STX8: variants seen among roughly 807,000 people sequenced by gnomAD.
STX8 encodes the protein syntaxin-8.
A neutral mutation model predicts 37.5 loss-of-function variants in STX8; 23 were observed. The observed-to-expected ratio is 0.61, with a 90% CI of 0.44 to 0.87. The LOEUF (loss-of-function observed/expected upper bound fraction) is 0.87, where lower values mean the gene tolerates loss of function less well. Ranked by LOEUF, STX8 falls within the 40% of genes least tolerant of loss-of-function variation. STX8 has a pLI of 0.00. For missense variants in STX8, 313 were observed against 284.7 expected, an observed-to-expected ratio of 1.10 and a Z score of -0.71; for synonymous variants, 115 against 99.1, an observed-to-expected ratio of 1.16 and a Z score of -0.95.
intron 6 of STX8, among the ~76,000 whole-genome samples, chr17:9,399,715 A>C (rs1912533339): frequency 6.6e-6 from 1 of 151,716 alleles, no homozygotes; most frequent in East Asian, 1.9e-4. Context: ...AAAATACAAA[A>C]ATTAGCTGGG....
chr17:9,496,180 A>G (rs1441793672), intron 5 of STX8, among the ~76,000 whole-genome samples: 1 of 151,658 alleles, frequency 6.6e-6, no homozygotes, highest in Non-Finnish European at 1.5e-5. Flanking sequence ...AGTTCAAGCA[A>G]TTCTCCTGTC....
Position 9,341,030 on chromosome 17 carries a change from A to T in STX8, c.643+37522T>A, listed in dbSNP as rs891700757. 3.2e-4 allele frequency among the ~76,000 whole-genome samples: 47 copies of T among 147,934 alleles called. 3 individuals are homozygous for T. The South Asian group carries it at 9.9e-3, about 31-fold the overall frequency. ...TATATAAATATATATTATATATATAAATTATAAATTGTAAAATTTAAAATT... is the reference window on the plus strand; with the variant it reads ...TATATAAATATATATTATATATATATATTATAAATTGTAAAATTTAAAATT... On this transcript the variant is annotated intron_variant, in intron 7 of 7. Coordinates refer to ENST00000306357, the MANE Select transcript of STX8 (RefSeq NM_004853.3).
chr17:9,453,333 A>G (rs1905099414), intron 6 of STX8, among the ~76,000 whole-genome samples: 1 of 152,152 alleles, frequency 6.6e-6, no homozygotes, highest in Non-Finnish European at 1.5e-5. Context: ...TGTTTACCCC[A>G]TGGAGAAAAC....
intron 4 of STX8, among the ~76,000 whole-genome samples, chr17:9,527,827 T>C (rs965759529): frequency 2.6e-5 from 4 of 152,208 alleles, no homozygotes; most frequent in Non-Finnish European, 4.4e-5. Flanking sequence ...GTGGTACCTA[T>C]TACATCTTTA....
intron 7 of STX8, among the ~76,000 whole-genome samples, chr17:9,377,153 C>T (rs1050785508): frequency 6.6e-6 from 1 of 152,172 alleles, no homozygotes; most frequent in African/African-American, 2.4e-5. Context: ...GGTGATGCTT[C>T]TGAAGCTGCA....
intron 6 of STX8, among the ~76,000 whole-genome samples, chr17:9,382,080 T>C (rs1290080503): frequency 6.6e-6 from 1 of 152,130 alleles, no homozygotes. Flanking sequence ...TTTAATTCTC[T>C]CATATTTCAA....
chr17:9,483,320 T>C (rs1906428194), intron 6 of STX8, among the ~76,000 whole-genome samples: 1 of 152,220 alleles, frequency 6.6e-6, no homozygotes, highest in African/African-American at 2.4e-5. Flanking sequence ...CTTCAGTCAC[T>C]GCACTGCTTC....
chr17:9,277,995 G>T (rs529239691), intron 7 of STX8, among the ~76,000 whole-genome samples: 10 of 152,232 alleles, frequency 6.6e-5, no homozygotes, highest in African/African-American at 2.4e-4. Context: ...TCTCCTTTAG[G>T]TTAGACAGTC....
intron 4 of STX8, among the ~76,000 whole-genome samples, chr17:9,506,407 T>TCTCCC (rs1555532618): frequency 2.5e-5 from 1 of 39,332 alleles, no homozygotes. Context: ...GCTCACCCGC[T>TCTCCC]CCCCCCCCCC....
intron 7 of STX8, among the ~76,000 whole-genome samples, chr17:9,377,501 C>T (rs1911640097): frequency 6.6e-6 from 1 of 152,090 alleles, no homozygotes; most frequent in South Asian, 2.1e-4. Flanking sequence ...GACAGGGTCT[C>T]ACTCTGTCAC....
At chr17:9,319,213 A>G (rs568524980) in intron 7 of STX8, among the ~76,000 whole-genome samples, 2 of 152,082 alleles carry the variant, frequency 1.3e-5, no homozygotes, top group South Asian at 4.2e-4. Flanking sequence ...AGGTCAGGAG[A>G]TCGAGACCGT....
chr17:9,368,411 G>A (rs868307573), intron 7 of STX8, among the ~76,000 whole-genome samples: 5 of 152,252 alleles, frequency 3.3e-5, no homozygotes, highest in South Asian at 2.1e-4. Flanking sequence ...GGTTGAGGCA[G>A]GAGAATGGCA....
chr17:9,317,338 G>A (rs938662032), intron 7 of STX8, among the ~76,000 whole-genome samples: 1 of 152,202 alleles, frequency 6.6e-6, no homozygotes, highest in African/African-American at 2.4e-5. Flanking sequence ...ACACCCTTGA[G>A]ATGTAGAGAT....
At chr17:9,444,625 G>T (rs1904776327) in intron 6 of STX8, among the ~76,000 whole-genome samples, 2 of 152,188 alleles carry the variant, frequency 1.3e-5, no homozygotes, top group South Asian at 4.1e-4. Context: ...AGTCTCCAGA[G>T]ATGGTGCATC....
intron 7 of STX8, among the ~76,000 whole-genome samples, chr17:9,327,524 T>C (rs1363646277): frequency 1.3e-5 from 2 of 152,074 alleles, no homozygotes; most frequent in Non-Finnish European, 2.9e-5. Context: ...GATCTAATGT[T>C]GATGGACAGA....
intron 6 of STX8, among the ~76,000 whole-genome samples, chr17:9,474,922 A>G (rs1472954156): frequency 6.6e-6 from 1 of 152,156 alleles, no homozygotes. Context: ...CAGTGAGCTG[A>G]TATCATGCCA....
In STX8 at chr17:9,471,680, G is replaced by A. The variant is rs868129918; in HGVS notation, c.541+20149C>T. Among the ~76,000 whole-genome samples the A allele has an allele frequency of 4.6e-5, 7 of 152,172 alleles. No individual in the cohort carries two copies. In the East Asian group the frequency reaches 9.7e-4, roughly 21 times the overall value. ...GTGACCAAGACCCTCAAAAAACCCC[G>A]GGCACTGAGTCTCTAATGAGCCTTC... On this transcript the variant is annotated intron_variant, in intron 6 of 7. Coordinates refer to ENST00000306357, the MANE Select transcript of STX8 (RefSeq NM_004853.3).
intron 5 of STX8, among the ~76,000 whole-genome samples, chr17:9,494,476 A>G (rs1279665436): frequency 2.6e-5 from 4 of 151,670 alleles, no homozygotes; most frequent in Non-Finnish European, 2.9e-5. Context: ...TACAAACATT[A>G]TCTGGGTGTG....
intron 3 of STX8, among the ~76,000 whole-genome samples, chr17:9,551,814 G>C (rs867466977): frequency 6.6e-5 from 10 of 152,188 alleles, no homozygotes; most frequent in African/African-American, 9.6e-5. Context: ...TCTGCTTTCA[G>C]AGCCGATGTT....
Sources: allele counts gnomAD v4.1 joint callset (sites outside exome capture counted in the v4.1 genomes callset), GRCh38; gene constraint gnomAD v4.1.1; transcripts MANE v1.5; gene names NCBI Gene and HGNC (gene_info 2026-07-23, HGNC 2026-07-21).